Variants in KCP observed in about 807,000 individuals in gnomAD.
KCP encodes the protein kielin/chordin-like protein.
A neutral mutation model predicts 212.7 loss-of-function variants in KCP; 194 were observed. That is an observed-to-expected ratio of 0.91 (90% CI 0.81 to 1.03). KCP has a LOEUF of 1.03. Among genes scored for constraint, KCP ranks in the 50% least tolerant of loss-of-function variants. KCP has a pLI of 0.00. For synonymous variants in KCP, 833 were observed against 865.3 expected, an observed-to-expected ratio of 0.96 and a Z score of 0.65; for missense variants, 2,080 against 2,162.5, an observed-to-expected ratio of 0.96 and a Z score of 0.76.
chr7:128,897,511 G>T (rs2128948943), intron 8 of KCP, among the ~76,000 whole-genome samples: 1 of 152,248 alleles, frequency 6.6e-6, no homozygotes, highest in Non-Finnish European at 1.5e-5. Context: ...TAACTAATTG[G>T]TTTAATAAGA....
At chr7:128,878,894 G>T (rs1793150187) in intron 37 of KCP, 172 bp from the exon 38 acceptor site, 2 of 623,462 alleles carry the variant, frequency 3.2e-6, no homozygotes, top group South Asian at 2.2e-5. Flanking sequence ...AGGCCAAGTG[G>T]ATACATTCTG....
At chr7:128,908,907 G>A (rs1435918897) in intron 1 of KCP, among the ~76,000 whole-genome samples, 2 of 152,162 alleles carry the variant, frequency 1.3e-5, no homozygotes, top group Non-Finnish European at 2.9e-5. Context: ...AACTGCTCCC[G>A]CCCCCAACCC....
Position 128,892,812 on chromosome 7 carries a change from G to A in KCP, c.1421-18C>T, listed in dbSNP as rs1178950767. 6.4e-7 allele frequency: 1 copy of A among 1,551,596 alleles called. No homozygotes were observed. The highest frequency in any genetic ancestry group is 2.4e-5 in the East Asian group (1 of 40,922). ...GCAGGCACCTGGGTGGGGCAGGCTG[G>A]TCAGGGTGAGCTGGGTAATGCAGGG... On this transcript the variant is annotated intron_variant, in intron 14 of 39. Transcript: ENST00000610776.
chr7:128,891,516 T>C lies in KCP; in HGVS notation c.1813A>G (p.Lys605Glu). 4 of 1,549,432 alleles carry C rather than the reference T, an allele frequency of 2.6e-6. No individual in the cohort carries two copies. The highest frequency in any genetic ancestry group is 3.5e-6 in the Non-Finnish European group (4 of 1,146,450). ...AAGTCCGCTCCGCTGGGGTACTCTT[T>C]CCCGCCAAAGGCACAGCCTGGGGGA... ...NDCSGCAFGG[K>E]EYPSGADFPH... The change falls in exon 18 of 40, where the codon AAA becomes GAA. Residue 605 changes from lysine (K) to glutamate (E), a missense_variant. Transcript: ENST00000610776.
At chr7:128,884,533 G>T (rs562518661) in intron 28 of KCP, among the ~76,000 whole-genome samples, 1 of 152,104 alleles carries the variant, frequency 6.6e-6, no homozygotes, top group African/African-American at 2.4e-5. Context: ...ATACACACCC[G>T]CCCTGCACTG....
At position 128,880,046 on chromosome 7, in the gene KCP, G is replaced by A. The variant is rs1455381659; in HGVS notation, c.3799C>T (p.Arg1267Cys). Residue 1267 changes from arginine (R) to cysteine (C), a missense_variant, in exon 35 of 40, where the codon CGC becomes TGC. Coordinates refer to ENST00000610776, the MANE Select transcript of KCP (RefSeq NM_001366122.1). ...CAGGAAGCGGGCCGAGGCAGGCAGC[G>A]GGGGCAGCAGCTGCCAGGACTCAGG... ...PALSPGSCCPRCLPRPASCMA... is the reference protein window; with the variant it reads ...PALSPGSCCPCCLPRPASCMA... 7.1e-6 allele frequency: 11 copies of A among 1,547,510 alleles called. No individual in the cohort carries two copies. Among genetic ancestry groups the A allele is most frequent in the African/African-American group, 6.8e-5 (5 of 73,010 alleles).
At chr7:128,892,079 C>T (rs1794186061) in intron 16 of KCP, among the ~76,000 whole-genome samples, 1 of 152,162 alleles carries the variant, frequency 6.6e-6, no homozygotes, top group Non-Finnish European at 1.5e-5. Flanking sequence ...ATGTGTGTAC[C>T]TGTGTTTGAC....
At chr7:128,880,874 C>T (rs1372409604) in intron 32 of KCP, 123 bp downstream of exon 32, 4 of 399,904 alleles carry the variant, frequency 1.0e-5, no homozygotes, top group African/African-American at 2.1e-5. Flanking sequence ...CCTTCGGCTC[C>T]ATGCCCCGGT....
rs758952143 is a variant in KCP, at chr7:128,884,104, G to A, written c.3142C>T (p.Pro1048Ser). 9 of 1,545,222 alleles carry A rather than the reference G, an allele frequency of 5.8e-6. No individual in the cohort carries two copies. In the South Asian group the frequency reaches 9.5e-5, roughly 16 times the overall value. ...CICEPQPEGP[P>S]SLRCHRRQCP... ...TGCCGCCGGTGACAGCGAAGGCTGG[G>A]AGGCCCCTCAGGCTGTGGCTACAAG... is the stretch of plus-strand genomic sequence containing the variant. Residue 1048 changes from proline (P) to serine (S), a missense_variant, in exon 29 of 40, where the codon CCC becomes TCC. Physicochemically the swap from Pro to Ser is moderately conservative, Grantham distance 74. Coordinates refer to ENST00000610776, the MANE Select transcript of KCP (RefSeq NM_001366122.1).
At position 128,892,794 on chromosome 7, in the gene KCP, C is replaced by A. The variant is rs1264885679; in HGVS notation, c.1421G>T (p.Gly474Val). 4.5e-6 allele frequency: 7 copies of A among 1,551,576 alleles called. No individual in the cohort carries two copies. The highest frequency in any genetic ancestry group is 6.1e-6 in the Non-Finnish European group (7 of 1,146,952). ...APCQHPTQPP[G>V]ACCPSCDSCT... ...GCTGTCACAGCTGGGGCAGCAGGCA[C>A]CTGGGTGGGGCAGGCTGGTCAGGGT... The change falls in exon 15 of 40, where the codon GGT becomes GTT. Residue 474 changes from glycine to valine, a missense_variant and splice_region_variant. Physicochemically the swap from Gly to Val is moderately radical, Grantham distance 109 (BLOSUM62 -3). Coordinates refer to ENST00000610776, the MANE Select transcript of KCP (RefSeq NM_001366122.1).
At chr7:128,891,131 A>G (rs1191750080) in intron 19 of KCP, 35 bp from the exon 20 acceptor site, 2 of 1,529,190 alleles carry the variant, frequency 1.3e-6, no homozygotes, top group Admixed American at 4.0e-5. Flanking sequence ...GGGCCCAGGA[A>G]CAGGCCTCCG....
chr7:128,902,909 A>ACCCCAG (rs1430861462), intron 7 of KCP, 50 bp from the exon 8 acceptor site: 1 of 1,407,784 alleles, frequency 7.1e-7, no homozygotes, highest in East Asian at 2.5e-5. Flanking sequence ...GCTGGCCTGG[A>ACCCCAG]CCCCAGCCTC....
intron 39 of KCP, 28 bp downstream of exon 39, chr7:128,877,456 C>A: frequency 6.5e-7 from 1 of 1,549,138 alleles, no homozygotes; most frequent in Non-Finnish European, 8.7e-7. Flanking sequence ...GAGCCTCCCC[C>A]AACCTGCAGC....
Position 128,886,725 on chromosome 7 carries a change from T to C in KCP, c.2702A>G (p.Gln901Arg), listed in dbSNP as rs1232476535. The part of the protein sequence containing the change: ...FCPVCHSCLS[Q>R]GREHQDGEEF... ...CTCCCCATCCTGGTGCTCCCGGCCC[T>C]GAGAGAGACAGCCTGTGGGGGACAC... The change falls in exon 25 of 40, where the codon CAG becomes CGG. Residue 901 changes from glutamine (Q) to arginine (R), a missense_variant. Coordinates refer to ENST00000610776, the MANE Select transcript of KCP (RefSeq NM_001366122.1). The C allele has an allele frequency of 1.2e-5, 18 of 1,551,354 alleles. No homozygotes were observed. Among genetic ancestry groups the C allele is most frequent in the Non-Finnish European group, 1.2e-5 (14 of 1,146,876 alleles).
At chr7:128,904,811 T>C (rs1795041542) in intron 5 of KCP, among the ~76,000 whole-genome samples, 1 of 152,246 alleles carries the variant, frequency 6.6e-6, no homozygotes, top group Admixed American at 6.5e-5. Context: ...CTTTGATATT[T>C]ACTACCCCTT....
intron 4 of KCP, 66 bp downstream of exon 4, chr7:128,907,035 G>A (rs1254295790): frequency 6.9e-7 from 1 of 1,446,314 alleles, no homozygotes. Context: ...GTGCCACGCT[G>A]CAGTGACAGG....
Position 128,879,581 on chromosome 7 carries a change from G to A in KCP, c.4087C>T (p.Leu1363=), listed in dbSNP as rs1423864109. 1 of 1,550,402 alleles carries A rather than the reference G, an allele frequency of 6.4e-7. No homozygotes were observed. Among genetic ancestry groups the A allele is most frequent in the Non-Finnish European group, 8.7e-7 (1 of 1,146,984 alleles). ...PVALPFLQEP[L]LYVELRGHTV... ...TGTCCTCGCAGCTCCACATACAGCA[G>A]CGGCTCCTGCAGGAAGGGCAAGGCC... The change falls in exon 37 of 40, where the codon CTG becomes TTG. Residue 1363 remains leucine, a synonymous_variant. Transcript: ENST00000610776.
intron 7 of KCP, chr7:128,903,154 G>T: frequency 6.3e-6 from 3 of 475,116 alleles, no homozygotes; most frequent in Non-Finnish European, 1.1e-5. Context: ...AGCCAACATT[G>T]CACACTCACC....
chr7:128,897,471 T>C (rs1794597370), intron 8 of KCP, among the ~76,000 whole-genome samples: 2 of 152,202 alleles, frequency 1.3e-5, no homozygotes, highest in Non-Finnish European at 2.9e-5. Context: ...ATATGTGTTG[T>C]GTGTGTGATG....
Sources: allele counts gnomAD v4.1 joint callset (sites outside exome capture counted in the v4.1 genomes callset), GRCh38; gene constraint gnomAD v4.1.1; transcripts MANE v1.5; gene names NCBI Gene and HGNC (gene_info 2026-07-23, HGNC 2026-07-21).